The following PRKDC variants were observed in gnomAD, a reference collection of about 807,000 sequenced individuals.
The protein encoded by PRKDC is protein kinase, DNA-activated, catalytic subunit.
PRKDC carries 82 observed loss-of-function variants against 486.9 expected under a neutral mutation model. That is an observed-to-expected ratio of 0.17 (90% CI 0.14 to 0.20). The LOEUF (loss-of-function observed/expected upper bound fraction) is 0.20. PRKDC is among the 10% of genes least tolerant of loss of function. The probability of loss-of-function intolerance (pLI) is 1.00; values close to 1 mark genes in which losing one functional copy is unlikely to be tolerated. For missense variants in PRKDC, 4,504 were observed against 5,038.2 expected, an observed-to-expected ratio of 0.89 and a Z score of 3.21; for synonymous variants, 1,895 against 1,837.0, an observed-to-expected ratio of 1.03 and a Z score of -0.81.
chr8:47,898,185 A>T (rs2089615717), intron 29 of PRKDC, among the ~76,000 whole-genome samples: 1 of 152,240 alleles, frequency 6.6e-6, no homozygotes, highest in Admixed American at 6.5e-5. Context: ...ACATGTTCAA[A>T]ATTAGTGCAT....
Position 47,864,551 on chromosome 8 carries a change from G to A in PRKDC, c.5571+5C>T, listed in dbSNP as rs780022870. The A allele has an allele frequency of 1.5e-4, 233 of 1,602,554 alleles. 1 individual carries two copies. In the Middle Eastern group the frequency reaches 6.3e-3, roughly 43 times the overall value. ...TTCTTATTACTGATTTAAGGCGTAT[G>A]ATACCTTTGTAAACCTGGACTTCAA... On this transcript the variant is annotated splice_donor_5th_base_variant and intron_variant, in intron 41 of 85. Transcript: ENST00000314191.
intron 30 of PRKDC, among the ~76,000 whole-genome samples, chr8:47,895,578 C>T (rs1190094569): frequency 6.6e-6 from 1 of 152,198 alleles, no homozygotes; most frequent in Non-Finnish European, 1.5e-5. Context: ...GCTCTACCAA[C>T]ATGCTATCAG....
At position 47,820,879 on chromosome 8, in the gene PRKDC, T is replaced by A. The variant is rs756245643; in HGVS notation, c.9176A>T (p.Gln3059Leu). 1.9e-6 allele frequency: 3 copies of A among 1,610,744 alleles called. No homozygotes were observed. Among genetic ancestry groups the A allele is most frequent in the Non-Finnish European group, 2.5e-6 (3 of 1,177,792 alleles). Residue 3059 changes from glutamine (Q) to leucine (L), a missense_variant, in exon 66 of 86, where the codon CAG (glutamine) becomes CTG (leucine). Coordinates refer to ENST00000314191, the MANE Select transcript of PRKDC (RefSeq NM_006904.7). ...TTTGTCAATAAATGTCAGCAGGGAC[T>A]GGTCAGCCTCTCCCTGGAGCAGCAG... ...LKLLLQGEAD[Q>L]SLLTFIDKAM...
At position 47,960,037 on chromosome 8, in the gene PRKDC, G is replaced by A; in HGVS notation, c.90C>T (p.Ala30=). 6.5e-7 allele frequency: 1 copy of A among 1,533,942 alleles called. No homozygotes were observed. Among genetic ancestry groups the A allele is most frequent in the East Asian group, 2.4e-5 (1 of 40,862 alleles). Reference sequence around the variant, plus strand: ...CCAGGCCGCGGATCAGTTGATGACCGGCCAGGGCAGCACCGCAGCGGTCCG... The same window carrying A: ...CCAGGCCGCGGATCAGTTGATGACCAGCCAGGGCAGCACCGCAGCGGTCCG... ...SAADRCGAAL[A]GHQLIRGLGQ... Residue 30 remains alanine (A), a synonymous_variant, in exon 1 of 86, where the codon GCC becomes GCT. Transcript: ENST00000314191.
chr8:47,819,922 C>T (rs1429142980), intron 66 of PRKDC, among the ~76,000 whole-genome samples: 1 of 152,152 alleles, frequency 6.6e-6, no homozygotes, highest in Non-Finnish European at 1.5e-5. Flanking sequence ...TGCTTCTATG[C>T]TAAATGTCAC....
chr8:47,861,008 TATA>T (rs779381463), intron 44 of PRKDC, 37 bp from the exon 45 acceptor site: 4 of 1,386,614 alleles, frequency 2.9e-6, no homozygotes, highest in Non-Finnish European at 3.9e-6. Context: ...TAAAACATTT[TATA>T]ATAATAGTGA....
intron 10 of PRKDC, among the ~76,000 whole-genome samples, chr8:47,940,648 A>G (rs1476919276): frequency 6.6e-6 from 1 of 152,236 alleles, no homozygotes; most frequent in Non-Finnish European, 1.5e-5. Flanking sequence ...TTAATTACAG[A>G]ATAGCAAATA....
At position 47,888,632 on chromosome 8, in the gene PRKDC, G is replaced by C; in HGVS notation, c.4299C>G (p.Ala1433=). ...GCGCGTCAGGGCCATACAAGTTGAC[G>C]GCACAAAGCTCCTCAATGCTGGCCA... ...ITAQSIEELC[A]VNLYGPDAQV... is the part of the protein sequence containing the mutation. The change falls in exon 34 of 86, where the codon GCC becomes GCG. Residue 1433 remains alanine (A), a synonymous_variant. Coordinates refer to ENST00000314191, the MANE Select transcript of PRKDC (RefSeq NM_006904.7). 6.3e-7 allele frequency: 1 copy of C among 1,589,782 alleles called. No individual in the cohort carries two copies.
intron 68 of PRKDC, among the ~76,000 whole-genome samples, chr8:47,810,764 A>G (rs1370699679): frequency 6.6e-6 from 1 of 152,222 alleles, no homozygotes; most frequent in African/African-American, 2.4e-5. Context: ...AAAGTTTACA[A>G]CTGGAAAATA....
intron 66 of PRKDC, among the ~76,000 whole-genome samples, chr8:47,819,854 C>T (rs796416514): frequency 2.6e-5 from 4 of 152,216 alleles, no homozygotes; most frequent in South Asian, 4.2e-4. Context: ...GATAAACTTC[C>T]TCAAGAGTGC....
At chr8:47,781,495 C>T (rs1166432823) in intron 80 of PRKDC, among the ~76,000 whole-genome samples, 1 of 152,204 alleles carries the variant, frequency 6.6e-6, no homozygotes, top group Non-Finnish European at 1.5e-5. Context: ...TATCCTACAG[C>T]TTGTCACCCA....
chr8:47,906,080 G>T (rs2089775474), intron 25 of PRKDC, among the ~76,000 whole-genome samples: 1 of 152,190 alleles, frequency 6.6e-6, no homozygotes, highest in Non-Finnish European at 1.5e-5. Context: ...AGGCGCAGTG[G>T]TTCATGCCCA....
At chr8:47,814,398 A>G (rs1202195702) in intron 68 of PRKDC, among the ~76,000 whole-genome samples, 1 of 152,234 alleles carries the variant, frequency 6.6e-6, no homozygotes, top group East Asian at 1.9e-4. Context: ...TAAATGGCAT[A>G]AAGTTCAGAA....
chr8:47,860,638 A>G (rs1017542294), intron 45 of PRKDC, among the ~76,000 whole-genome samples: 2 of 152,252 alleles, frequency 1.3e-5, no homozygotes, highest in Non-Finnish European at 2.9e-5. Flanking sequence ...TATTTTTAAA[A>G]AAGTGTAACA....
intron 7 of PRKDC, among the ~76,000 whole-genome samples, chr8:47,947,930 A>T (rs1040805686): frequency 9.9e-5 from 15 of 151,580 alleles, no homozygotes; most frequent in African/African-American, 3.4e-4. Context: ...TAAAATAAAA[A>T]TTAGCAGGAC....
chr8:47,862,267 C>A, intron 43 of PRKDC, 106 bp downstream of exon 43: 2 of 1,375,466 alleles, frequency 1.5e-6, no homozygotes, highest in Non-Finnish European at 2.0e-6. Context: ...TTAAACGAAC[C>A]ACATCTTTAA....
At position 47,930,721 on chromosome 8, in the gene PRKDC, C is replaced by T. The variant is rs536246703; in HGVS notation, c.1843G>A (p.Ala615Thr). The T allele has an allele frequency of 1.5e-5, 24 of 1,591,006 alleles. 1 individual carries two copies. In the South Asian group the frequency reaches 2.5e-4, roughly 17 times the overall value. Residue 615 changes from alanine (A) to threonine (T), a missense_variant, in exon 17 of 86, where the codon GCT becomes ACT. Physicochemically the swap from Ala to Thr is moderately conservative, Grantham distance 58. Transcript: ENST00000314191. ...TSDPAANLHPAKPKDFSAFIN... is the reference protein window; with the variant it reads ...TSDPAANLHPTKPKDFSAFIN... ...AAAGCCGAAAAATCTTTAGGTTTAG[C>T]TGGATGCAAGTTAGCCGCTGGATCT... is the stretch of plus-strand genomic sequence containing the variant.
chr8:47,855,210 C>A lies in PRKDC; in HGVS notation c.6761+12G>T, dbSNP rs2088506708. On this transcript the variant is annotated intron_variant, in intron 50 of 85. Transcript: ENST00000314191. ...AATTTCTAAACAATACTGCAAAAAC[C>A]AGTAAACATACCTATAAGGGATGGA... 6.3e-7 allele frequency: 1 copy of A among 1,577,190 alleles called. No homozygotes were observed.
rs760329300 is a variant in PRKDC at position 47,777,736 on chromosome 8, G to A, written c.11992C>T (p.Leu3998Phe). The change falls in exon 84 of 86, where the codon CTC (leucine) becomes TTC (phenylalanine). Residue 3998 changes from leucine (L) to phenylalanine (F), a missense_variant. Around this residue, in one of 6 missense-constraint regions of PRKDC, gnomAD observed 706 missense variants for 945.0 expected, o/e 0.75. Transcript: ENST00000314191. Reference sequence around the variant, plus strand: ...ACAAACACATCCATGGTGTTGGTGAGCAGGCCAGGGTCTGAGCGGAAGGCC... The same window carrying A: ...ACAAACACATCCATGGTGTTGGTGAACAGGCCAGGGTCTGAGCGGAAGGCC... ...LRAFRSDPGLLTNTMDVFVKE... is the reference protein window; with the variant it reads ...LRAFRSDPGLFTNTMDVFVKE... 1.2e-6 allele frequency: 2 copies of A among 1,611,408 alleles called. No individual in the cohort carries two copies. Among genetic ancestry groups the A allele is most frequent in the East Asian group, 2.2e-5 (1 of 44,854 alleles).
Sources: gnomAD v4.1 joint callset for allele counts (sites outside exome capture counted in the v4.1 genomes callset) on GRCh38, gnomAD v4.1.1 for gene constraint, gnomAD v4.1.1 regional missense constraint, MANE v1.5 for transcripts, NCBI Gene and HGNC (gene_info 2026-07-23, HGNC 2026-07-21) for gene names.